The following SCHIP1 variants were observed in gnomAD, a reference collection of about 807,000 sequenced individuals.
The protein encoded by SCHIP1 is schwannomin-interacting protein 1.
Under a neutral mutation model 29.7 loss-of-function variants are expected in SCHIP1, and 8 were observed. The ratio of observed to expected loss-of-function variants is 0.27; its 90% CI spans 0.16 to 0.49. The LOEUF (loss-of-function observed/expected upper bound fraction) is 0.49, where lower values mean the gene tolerates loss of function less well. Among genes scored for constraint, SCHIP1 ranks in the 20% least tolerant of loss-of-function variants. The probability of loss-of-function intolerance (pLI) is 0.99; values close to 1 mark genes in which losing one functional copy is unlikely to be tolerated. For missense variants in SCHIP1, 193 were observed against 294.6 expected (o/e 0.66, Z 2.52); for synonymous variants, 76 against 94.9 (o/e 0.80, Z 1.16).
chr3:159,624,311 A>C, the SCHIP1 span, among the ~76,000 whole-genome samples: 1 of 152,330 alleles, frequency 6.6e-6, no homozygotes, highest in East Asian at 1.9e-4. Context: ...ACCATACTTT[A>C]ATAGACCTGT....
the SCHIP1 span, among the ~76,000 whole-genome samples, chr3:159,731,521 T>C: frequency 6.6e-6 from 1 of 152,182 alleles, no homozygotes; most frequent in Non-Finnish European, 1.5e-5. Context: ...AAGGGCTCTC[T>C]ATCTGCTGAA....
chr3:159,295,155 A>G, the SCHIP1 span, among the ~76,000 whole-genome samples: 3 of 150,128 alleles, frequency 2.0e-5, no homozygotes, highest in Non-Finnish European at 3.0e-5. Flanking sequence ...TTCTCATTTA[A>G]TTTAATAATC....
the SCHIP1 span, among the ~76,000 whole-genome samples, chr3:159,610,451 GTA>G: frequency 6.6e-6 from 1 of 151,950 alleles, no homozygotes; most frequent in Non-Finnish European, 1.5e-5. Flanking sequence ...ATTCAATATT[GTA>G]TTTGTCTTGT....
At chr3:159,303,540 G>A in the SCHIP1 span, among the ~76,000 whole-genome samples, 1 of 151,012 alleles carries the variant, frequency 6.6e-6, no homozygotes, top group Non-Finnish European at 1.5e-5. Context: ...GGGAAGGGAG[G>A]AAGGAAGGAA....
chr3:159,828,401 A>ATATATACG, the SCHIP1 span, among the ~76,000 whole-genome samples: 1 of 54,658 alleles, frequency 1.8e-5, no homozygotes, highest in East Asian at 2.0e-3. Context: ...ATATACGTAT[A>ATATATACG]TATATACGTA....
the SCHIP1 span, among the ~76,000 whole-genome samples, chr3:159,364,353 A>C: frequency 7.2e-5 from 11 of 152,292 alleles, no homozygotes; most frequent in East Asian, 2.1e-3. Flanking sequence ...TTTGTGGCCT[A>C]GAATATATGG....
chr3:159,510,951 G>C, the SCHIP1 span, among the ~76,000 whole-genome samples: 2 of 152,212 alleles, frequency 1.3e-5, no homozygotes, highest in Non-Finnish European at 2.9e-5. Context: ...TCCGTTCTCA[G>C]ATCTCAAACT....
the SCHIP1 span, among the ~76,000 whole-genome samples, chr3:159,760,049 T>C: frequency 7.4e-6 from 1 of 135,532 alleles, no homozygotes; most frequent in Non-Finnish European, 1.5e-5. Context: ...CCCAGTCTCA[T>C]GGTGGCTTTC....
At chr3:159,639,387 T>C in the SCHIP1 span, among the ~76,000 whole-genome samples, 29 of 152,198 alleles carry the variant, frequency 1.9e-4, no homozygotes, top group Non-Finnish European at 3.8e-4. Flanking sequence ...ATTGCATTTA[T>C]TTTTATAATC....
the SCHIP1 span, chr3:159,808,617 G>C: frequency 1.3e-5 from 2 of 152,202 alleles, no homozygotes; most frequent in Non-Finnish European, 2.9e-5. Flanking sequence ...ATCTAGCCAG[G>C]AAGGAAGGTG....
At chr3:159,587,653 T>C in the SCHIP1 span, among the ~76,000 whole-genome samples, 1 of 152,098 alleles carries the variant, frequency 6.6e-6, no homozygotes, top group South Asian at 2.1e-4. Context: ...CAGTGTGTAA[T>C]GTTCCCCTTC....
At chr3:159,468,793 G>A in the SCHIP1 span, among the ~76,000 whole-genome samples, 5,434 of 136,652 alleles carry the variant, frequency 0.04, 141 homozygotes, top group Non-Finnish European at 0.056. Flanking sequence ...TTTAGATGGA[G>A]TCTCACTCTG....
At chr3:159,546,676 A>G in the SCHIP1 span, among the ~76,000 whole-genome samples, 1 of 151,956 alleles carries the variant, frequency 6.6e-6, no homozygotes, top group East Asian at 1.9e-4. Flanking sequence ...TGTGGTGTTT[A>G]GTTTTCTGTT....
At chr3:159,746,807 A>G in the SCHIP1 span, among the ~76,000 whole-genome samples, 1 of 152,128 alleles carries the variant, frequency 6.6e-6, no homozygotes. Flanking sequence ...CAAGCTTTTG[A>G]CCATACTGTT....
chr3:159,394,329 T>A, the SCHIP1 span, among the ~76,000 whole-genome samples: 1 of 152,136 alleles, frequency 6.6e-6, no homozygotes, highest in Non-Finnish European at 1.5e-5. Flanking sequence ...CTAATTGCTC[T>A]GGCCAGAACT....
At chr3:159,667,232 G>A in the SCHIP1 span, among the ~76,000 whole-genome samples, 1 of 152,126 alleles carries the variant, frequency 6.6e-6, no homozygotes, top group Non-Finnish European at 1.5e-5. Flanking sequence ...AGATGACAGG[G>A]CAAAGAAACC....
chr3:159,713,265 A>AAAGAAAGAAAGAAAGAAAGT, the SCHIP1 span, among the ~76,000 whole-genome samples: 1 of 151,436 alleles, frequency 6.6e-6, no homozygotes, highest in South Asian at 2.1e-4. Flanking sequence ...AGAAAGAAAG[A>AAAGAAAGAAAGAAAGAAAGT]AAGAAAGAAA....
chr3:159,694,231 A>AACC, the SCHIP1 span, among the ~76,000 whole-genome samples: 4 of 150,282 alleles, frequency 2.7e-5, no homozygotes, highest in African/African-American at 7.4e-5. Context: ...CATGCCTAAC[A>AACC]CTAACCCTAA....
the SCHIP1 span, among the ~76,000 whole-genome samples, chr3:159,303,879 T>C: frequency 7.2e-5 from 11 of 152,212 alleles, no homozygotes; most frequent in East Asian, 1.5e-3. Context: ...TTTATTATTA[T>C]ACTTTAAGTT....
Sources: gnomAD v4.1 joint callset for allele counts (sites outside exome capture counted in the v4.1 genomes callset) on GRCh38, gnomAD v4.1.1 for gene constraint, MANE v1.5 for transcripts, NCBI Gene and HGNC (gene_info 2026-07-23, HGNC 2026-07-21) for gene names.